ADIG: variants seen among roughly 807,000 people sequenced by gnomAD.
The protein encoded by ADIG is adipogenin.
A neutral mutation model predicts 10.7 loss-of-function variants in ADIG; 12 were observed. That is an observed-to-expected ratio of 1.12 (90% CI 0.72 to 1.82). ADIG has a LOEUF of 1.82. Ranked by LOEUF, ADIG falls within the 40% of genes most tolerant of loss-of-function variation. ADIG has a pLI of 0.00. For synonymous variants in ADIG, 32 were observed against 35.6 expected, an observed-to-expected ratio of 0.90 and a Z score of 0.36; for missense variants, 72 against 92.5, an observed-to-expected ratio of 0.78 and a Z score of 0.91.
Position 38,581,250 on chromosome 20 carries a change from C to T in ADIG, c.-1C>T. On this transcript the variant is annotated 5_prime_UTR_variant, in exon 1 of 3. Transcript: ENST00000537425. ...TGGCCCAGCTTAGCCACACATGCGC[C>T]ATGAAGTACCCTTTGATGCCGCTGG... 1 of 1,609,848 alleles carries T rather than the reference C, an allele frequency of 6.2e-7. No individual in the cohort carries two copies. Among genetic ancestry groups the T allele is most frequent in the Non-Finnish European group, 8.5e-7 (1 of 1,178,082 alleles).
intron 1 of ADIG, among the ~76,000 whole-genome samples, chr20:38,583,961 T>C (rs2088610724): frequency 6.6e-6 from 1 of 152,076 alleles, no homozygotes; most frequent in African/African-American, 2.4e-5. Flanking sequence ...TTTGGGGGGC[T>C]AAGGGGTCAG....
intron 1 of ADIG, among the ~76,000 whole-genome samples, chr20:38,583,535 C>T (rs919989125): frequency 1.3e-5 from 2 of 152,242 alleles, no homozygotes; most frequent in Admixed American, 6.5e-5. Flanking sequence ...ACACCTGGCA[C>T]ATCGTAGGTT....
chr20:38,581,800 G>C (rs1310939195), intron 1 of ADIG, among the ~76,000 whole-genome samples: 2 of 152,234 alleles, frequency 1.3e-5, no homozygotes, highest in Non-Finnish European at 2.9e-5. Flanking sequence ...CCTCTCAATT[G>C]GCTGCTTTTG....
At chr20:38,585,373 AT>A (rs1289993689) in intron 1 of ADIG, 1 of 1,538,048 alleles carries the variant, frequency 6.5e-7, no homozygotes, top group Admixed American at 2.0e-5. Context: ...ATGGTGCAGC[AT>A]TTGCTTTTCA....
At chr20:38,585,649 C>A in intron 1 of ADIG, 1 of 993,882 alleles carries the variant, frequency 1.0e-6, no homozygotes, top group Non-Finnish European at 1.5e-6. Flanking sequence ...CAGTGGAGAT[C>A]ATTGTGCCTT....
chr20:38,588,258 A>C lies in ADIG; in HGVS notation c.*172A>C. ...ACATGTGAAAGCCTCCAGAGGTCCCAGCCCTTCTCCAGCATCACAGATGAC... is the reference window on the plus strand; with the variant it reads ...ACATGTGAAAGCCTCCAGAGGTCCCCGCCCTTCTCCAGCATCACAGATGAC... On this transcript the variant is annotated 3_prime_UTR_variant, in exon 3 of 3. Transcript: ENST00000537425. 1 of 1,304,344 alleles carries C rather than the reference A, an allele frequency of 7.7e-7. No individual in the cohort carries two copies. Among genetic ancestry groups the C allele is most frequent in the Non-Finnish European group, 1.0e-6 (1 of 988,958 alleles). The allele number at this position is 1,304,344 out of a possible 1,614,324, so 80.8% of individuals were successfully genotyped here.
chr20:38,585,312 G>T, intron 1 of ADIG: 1 of 1,038,046 alleles, frequency 9.6e-7, no homozygotes, highest in Non-Finnish European at 1.4e-6. Flanking sequence ...CCCAAGATGA[G>T]TCTGTTAGCA....
In ADIG at chr20:38,588,304, G is replaced by T; in HGVS notation, c.*218G>T. 7.7e-7 allele frequency: 1 copy of T among 1,304,096 alleles called. No homozygotes were observed. The allele number at this position is 1,304,096 out of a possible 1,614,324, so 80.8% of individuals were successfully genotyped here. On this transcript the variant is annotated 3_prime_UTR_variant, in exon 3 of 3. Transcript: ENST00000537425. ...ATGACCTCCAGCCCTGCAGGGAGCC[G>T]CTCAAGTCTGGGAGGGCATGGGAGC...
rs528953672 is a variant in ADIG at position 38,586,502 on chromosome 20, C to G, written c.*14+341C>G. 2.0e-5 allele frequency among the ~76,000 whole-genome samples: 3 copies of G among 152,314 alleles called. No individual in the cohort carries two copies. In the South Asian group the frequency reaches 6.2e-4, roughly 32 times the overall value. ...ACTCCCTCCCCTCTGAGGGCTTGCT[C>G]TAATGTCACTTTTTCAGCAGAGTCC... On this transcript the variant is annotated intron_variant, in intron 2 of 2. Coordinates refer to ENST00000537425, the MANE Select transcript of ADIG (RefSeq NM_001393816.1).
At chr20:38,581,813 C>T (rs939679779) in intron 1 of ADIG, among the ~76,000 whole-genome samples, 5 of 152,232 alleles carry the variant, frequency 3.3e-5, no homozygotes, top group African/African-American at 4.8e-5. Context: ...TGCTTTTGTG[C>T]AGTAAACAGC....
In ADIG at chr20:38,586,016, C is replaced by G; in HGVS notation, c.125-13C>G. On this transcript the variant is annotated splice_polypyrimidine_tract_variant and intron_variant, in intron 1 of 2. Coordinates refer to ENST00000537425, the MANE Select transcript of ADIG (RefSeq NM_001393816.1). ...TGTGACCATCCAAGAGGCCTTGCCT[C>G]GTATCTCCACAGATTCAGAGGAAAA... The G allele has an allele frequency of 6.3e-7, 1 of 1,591,850 alleles. No homozygotes were observed. Among genetic ancestry groups the G allele is most frequent in the South Asian group, 1.1e-5 (1 of 87,006 alleles).
chr20:38,585,607 G>T, intron 1 of ADIG: 1 of 1,371,636 alleles, frequency 7.3e-7, no homozygotes, highest in Non-Finnish European at 1.0e-6. Flanking sequence ...TTTATTGTTC[G>T]TGTGTGCGTG....
intron 1 of ADIG, among the ~76,000 whole-genome samples, chr20:38,582,588 AATT>A: frequency 6.6e-6 from 1 of 152,108 alleles, no homozygotes; most frequent in East Asian, 2.0e-4. Context: ...ATAATTATGT[AATT>A]ATTGGGAGTT....
intron 1 of ADIG, among the ~76,000 whole-genome samples, chr20:38,584,944 A>G (rs895775139): frequency 6.6e-6 from 1 of 152,154 alleles, no homozygotes; most frequent in African/African-American, 2.4e-5. Context: ...CGCCCAGCTA[A>G]TTTTTGTACT....
intron 1 of ADIG, among the ~76,000 whole-genome samples, chr20:38,583,329 T>G (rs1456142503): frequency 6.6e-6 from 1 of 152,194 alleles, no homozygotes; most frequent in Admixed American, 6.5e-5. Flanking sequence ...GTGAACTACT[T>G]AAGAGAGCCA....
In ADIG at chr20:38,588,125, G is replaced by C. The variant is rs1167813274; in HGVS notation, c.*39G>C. On this transcript the variant is annotated 3_prime_UTR_variant, in exon 3 of 3. Transcript: ENST00000537425. ...GTTTGGTTTTCCTGGAGTCAGCAGG[G>C]CAGTGGCAATGGCAGAAGTGGATGG... The C allele has an allele frequency of 2.3e-6, 3 of 1,304,606 alleles. No individual in the cohort carries two copies. The highest frequency in any genetic ancestry group is 3.0e-6 in the Non-Finnish European group (3 of 988,658). The allele number at this position is 1,304,606 out of a possible 1,614,324, so 80.8% of individuals were successfully genotyped here.
intron 1 of ADIG, among the ~76,000 whole-genome samples, chr20:38,582,051 C>T (rs2088595100): frequency 6.6e-6 from 1 of 152,116 alleles, no homozygotes; most frequent in South Asian, 2.1e-4. Context: ...TATGGCCTGG[C>T]TGTGTGGCAG....
rs139334301 is a variant in ADIG at position 38,584,386 on chromosome 20, G to A, written c.125-1643G>A. 9.2e-3 allele frequency among the ~76,000 whole-genome samples: 1,397 copies of A among 152,288 alleles called. 13 individuals carry two copies. Among genetic ancestry groups the A allele is most frequent in the Middle Eastern group, 0.048 (14 of 294 alleles). ...CCTGCTGCCGGCATTTTCCTTTTGC[G>A]ATTTGAAAGGAGTTTGCAGAAGGAT... On this transcript the variant is annotated intron_variant, in intron 1 of 2. Coordinates refer to ENST00000537425, the MANE Select transcript of ADIG (RefSeq NM_001393816.1).
chr20:38,583,604 C>T (rs1444593376), intron 1 of ADIG, among the ~76,000 whole-genome samples: 2 of 152,238 alleles, frequency 1.3e-5, no homozygotes, highest in Admixed American at 1.3e-4. Flanking sequence ...GGAGGAAATG[C>T]AGGTGGTGTG....
Sources: allele counts gnomAD v4.1 joint callset (sites outside exome capture counted in the v4.1 genomes callset), GRCh38; gene constraint gnomAD v4.1.1; transcripts MANE v1.5; gene names NCBI Gene and HGNC (gene_info 2026-07-23, HGNC 2026-07-21).